PCNX1: variants seen among roughly 807,000 people sequenced by gnomAD.
PCNX1 encodes pecanex-like protein 1.
In PCNX1, 78 loss-of-function variants were observed where a neutral mutation model predicts 242.2. The ratio of observed to expected loss-of-function variants is 0.32; its 90% CI spans 0.27 to 0.39. The LOEUF (loss-of-function observed/expected upper bound fraction) is 0.39. Ranked by LOEUF, PCNX1 falls within the 10% of genes least tolerant of loss-of-function variation. The pLI is 1.00. For synonymous variants in PCNX1, 1,024 were observed against 1,032.9 expected (o/e 0.99, Z 0.17); for missense variants, 2,581 against 2,856.5 (o/e 0.90, Z 2.20).
intron 2 of PCNX1, among the ~76,000 whole-genome samples, chr14:70,949,399 G>GCA (rs1555346022): frequency 7.1e-4 from 106 of 149,738 alleles, no homozygotes; most frequent in African/African-American, 2.5e-3. Context: ...ATATGTGTGT[G>GCA]TGTGTACATA....
At position 71,108,999 on chromosome 14, in the gene PCNX1, G is replaced by A; in HGVS notation, c.6697G>A (p.Ala2233Thr). Residue 2233 changes from alanine (A) to threonine (T), a missense_variant, in exon 34 of 36, where the codon GCC becomes ACC. Physicochemically the swap from Ala to Thr is moderately conservative, Grantham distance 58. This residue lies in a region of PCNX1 where 432 missense variants were observed against 433.6 expected (regional missense o/e 1.00). Coordinates refer to ENST00000304743, the MANE Select transcript of PCNX1 (RefSeq NM_014982.3). The stretch of plus-strand genomic sequence containing the variant: ...ACAGCCAGGCAACACCTTAAGTCCT[G>A]CCAACAATTCACACTCCAGAAAGGC... ...DAQPGNTLSP[A>T]NNSHSRKAEV... The A allele has an allele frequency of 6.2e-7, 1 of 1,614,094 alleles. No homozygotes were observed.
rs1012526691 is a variant in PCNX1, at chr14:71,031,739, T to G, written c.3559-1690T>G. 1.6e-5 allele frequency: 18 copies of G among 1,155,728 alleles called. 1 individual carries two copies. In the African/African-American group the frequency reaches 2.0e-4, roughly 13 times the overall value. The allele number at this position is 1,155,728 out of a possible 1,614,324, so 71.6% of individuals were successfully genotyped here. A position where few individuals can be genotyped will look rare whatever the true frequency, so the allele number is the denominator to read the frequency against. On this transcript the variant is annotated intron_variant, in intron 16 of 35. Transcript: ENST00000304743. Reference sequence around the variant, plus strand: ...GCCTTGAACTCTGATGTTTTCTCTCTCACATCAACGACATTTTTGGGAAAC... The same window carrying G: ...GCCTTGAACTCTGATGTTTTCTCTCGCACATCAACGACATTTTTGGGAAAC...
At chr14:71,100,736 A>T (rs926306463) in intron 30 of PCNX1, among the ~76,000 whole-genome samples, 2 of 152,124 alleles carry the variant, frequency 1.3e-5, no homozygotes, top group Non-Finnish European at 2.9e-5. Flanking sequence ...ATTAATTGGT[A>T]AGTTTGGTTG....
At chr14:70,912,716 T>G (rs2055978242) in intron 1 of PCNX1, among the ~76,000 whole-genome samples, 1 of 152,174 alleles carries the variant, frequency 6.6e-6, no homozygotes, top group Non-Finnish European at 1.5e-5. Flanking sequence ...AAAGATTTTC[T>G]TTGGCACTTA....
chr14:71,042,374 A>C (rs1002687723), intron 19 of PCNX1, among the ~76,000 whole-genome samples: 10 of 152,026 alleles, frequency 6.6e-5, no homozygotes, highest in Non-Finnish European at 2.9e-5. Context: ...TATGTTTATA[A>C]TTGTTATACC....
intron 3 of PCNX1, among the ~76,000 whole-genome samples, chr14:70,965,093 A>C (rs896561543): frequency 1.3e-5 from 2 of 152,196 alleles, no homozygotes; most frequent in African/African-American, 4.8e-5. Flanking sequence ...GAACCCACTG[A>C]CCATAGTAGC....
chr14:71,036,303 C>G (rs2060530021), intron 19 of PCNX1, 146 bp downstream of exon 19: 1 of 584,104 alleles, frequency 1.7e-6, no homozygotes, highest in Admixed American at 2.7e-5. Flanking sequence ...GTAGCTAGGA[C>G]TACAGTTGTG....
chr14:71,097,544 GTGT>G (rs569079229), intron 30 of PCNX1, among the ~76,000 whole-genome samples: 72 of 152,206 alleles, frequency 4.7e-4, no homozygotes, highest in Non-Finnish European at 8.4e-4. Flanking sequence ...TTGATGATTC[GTGT>G]TGTTGAGCAT....
At chr14:71,082,723 A>G (rs2061887179) in intron 28 of PCNX1, among the ~76,000 whole-genome samples, 2 of 151,364 alleles carry the variant, frequency 1.3e-5, no homozygotes, top group Non-Finnish European at 2.9e-5. Flanking sequence ...CCATCCCTTT[A>G]TTTTGAGCCT....
chr14:71,065,928 G>A (rs1198623632), intron 26 of PCNX1, among the ~76,000 whole-genome samples: 3 of 152,098 alleles, frequency 2.0e-5, no homozygotes, highest in Non-Finnish European at 4.4e-5. Context: ...GGTCGCAGAT[G>A]CGTGGCATTA....
At chr14:71,085,701 C>T in intron 28 of PCNX1, 1 of 204,364 alleles carries the variant, frequency 4.9e-6, no homozygotes, top group Non-Finnish European at 1.0e-5. Context: ...GAGCATTTTT[C>T]TACTTTTGGA....
rs2060909451 is a variant in PCNX1, at chr14:71,047,910, T to C, written c.4264T>C (p.Phe1422Leu). Reference protein sequence around the residue: ...YVTVIFTVLFFKFDYEAFSET... With the variant: ...YVTVIFTVLFLKFDYEAFSET... ...TACAGTCATCTTTACTGTGCTGTTT[T>C]TCAAATTTGACTATGAAGCTTTTTC... Residue 1422 changes from phenylalanine (F) to leucine (L), a missense_variant, in exon 22 of 36, where the codon TTC (phenylalanine) becomes CTC (leucine). Around this residue, in one of 9 missense-constraint regions of PCNX1, gnomAD observed 432 missense variants for 443.1 expected, o/e 0.97. Coordinates refer to ENST00000304743, the MANE Select transcript of PCNX1 (RefSeq NM_014982.3). 1.2e-6 allele frequency: 2 copies of C among 1,613,316 alleles called. No homozygotes were observed. The highest frequency in any genetic ancestry group is 1.7e-6 in the Non-Finnish European group (2 of 1,179,534).
At chr14:71,085,275 G>T (rs941832471) in intron 28 of PCNX1, among the ~76,000 whole-genome samples, 3 of 152,156 alleles carry the variant, frequency 2.0e-5, no homozygotes, top group African/African-American at 7.2e-5. Flanking sequence ...GTAGACCGGA[G>T]CTGTTCATGT....
At chr14:71,068,591 C>CGTGCGTGTGTGT (rs1555373195) in intron 26 of PCNX1, among the ~76,000 whole-genome samples, 2 of 124,030 alleles carry the variant, frequency 1.6e-5, no homozygotes, top group Non-Finnish European at 3.2e-5. Flanking sequence ...TATGTACGTG[C>CGTGCGTGTGTGT]GTGTGTGTGT....
chr14:70,942,459 A>T (rs1418418570), intron 1 of PCNX1, among the ~76,000 whole-genome samples: 1 of 152,014 alleles, frequency 6.6e-6, no homozygotes, highest in Non-Finnish European at 1.5e-5. Flanking sequence ...ATCACAGCAC[A>T]GAACACTTCT....
intron 5 of PCNX1, among the ~76,000 whole-genome samples, chr14:70,974,781 A>G (rs1192451457): frequency 6.6e-6 from 1 of 152,204 alleles, no homozygotes; most frequent in East Asian, 1.9e-4. Context: ...GCCACTAATA[A>G]CAATTATTTT....
At chr14:71,064,062 G>C (rs1031482876) in intron 26 of PCNX1, among the ~76,000 whole-genome samples, 2 of 151,898 alleles carry the variant, frequency 1.3e-5, no homozygotes, top group Non-Finnish European at 2.9e-5. Flanking sequence ...TTTTTACTCA[G>C]GTTAAACATG....
intron 2 of PCNX1, among the ~76,000 whole-genome samples, chr14:70,949,287 A>ACACACGTGTATGCACG: frequency 6.9e-6 from 1 of 145,328 alleles, no homozygotes; most frequent in Admixed American, 6.8e-5. Flanking sequence ...GTGTATACAC[A>ACACACGTGTATGCACG]CACGTGTGTA....
rs997057703 is a variant in PCNX1 at position 70,956,892 on chromosome 14, A to G, written c.363-5334A>G. Among the ~76,000 whole-genome samples the G allele has an allele frequency of 3.3e-5, 5 of 152,204 alleles. 1 individual carries two copies. In the South Asian group the frequency reaches 8.3e-4, roughly 25 times the overall value. ...GAATAATAACTGTAAGAGGAGAATC[A>G]TATCATAAATATTAGGGAAGGTTTC... On this transcript the variant is annotated intron_variant, in intron 2 of 35. Transcript: ENST00000304743.
Sources: gnomAD v4.1 joint callset for allele counts (sites outside exome capture counted in the v4.1 genomes callset) on GRCh38, gnomAD v4.1.1 for gene constraint, gnomAD v4.1.1 regional missense constraint, MANE v1.5 for transcripts, NCBI Gene and HGNC (gene_info 2026-07-23, HGNC 2026-07-21) for gene names.